CDH8: variants seen among roughly 807,000 people sequenced by gnomAD.
CDH8 encodes cadherin-8.
CDH8 carries 17 observed loss-of-function variants against 68.1 expected under a neutral mutation model. That is an observed-to-expected ratio of 0.25 (90% CI 0.17 to 0.37). The LOEUF (loss-of-function observed/expected upper bound fraction) is 0.37, where lower values mean the gene tolerates loss of function less well. CDH8 is among the 10% of genes least tolerant of loss of function. The pLI is 1.00. For synonymous variants in CDH8, 372 were observed against 365.1 expected (o/e 1.02, Z -0.21); for missense variants, 763 against 999.3 (o/e 0.76, Z 3.19).
At chr16:61,879,770 G>T (rs1963534221) in intron 3 of CDH8, among the ~76,000 whole-genome samples, 2 of 152,020 alleles carry the variant, frequency 1.3e-5, no homozygotes. Flanking sequence ...CCTGTGATAG[G>T]CCCCGAAAAA....
chr16:61,987,189 G>T (rs1965644035), intron 2 of CDH8, among the ~76,000 whole-genome samples: 1 of 152,040 alleles, frequency 6.6e-6, no homozygotes, highest in African/African-American at 2.4e-5. Context: ...ATACAATTTG[G>T]AGTCTTCACT....
chr16:61,840,755 T>C (rs1962666798), intron 4 of CDH8, among the ~76,000 whole-genome samples: 1 of 151,762 alleles, frequency 6.6e-6, no homozygotes, highest in Admixed American at 6.6e-5. Flanking sequence ...AAACAACACA[T>C]ATTGGGGTCT....
intron 8 of CDH8, among the ~76,000 whole-genome samples, chr16:61,738,566 T>C (rs1376983656): frequency 6.6e-6 from 1 of 152,186 alleles, no homozygotes; most frequent in Non-Finnish European, 1.5e-5. Flanking sequence ...TCTTAGATCC[T>C]TTCTTTATAT....
chr16:61,925,100 C>A (rs1325665793), intron 2 of CDH8, among the ~76,000 whole-genome samples: 2 of 152,090 alleles, frequency 1.3e-5, no homozygotes, highest in Non-Finnish European at 2.9e-5. Context: ...CATTGAGGTA[C>A]ACACATAATT....
chr16:62,029,099 C>A lies in CDH8; in HGVS notation c.-200+6981G>T, dbSNP rs371169047. Among the ~76,000 whole-genome samples the A allele has an allele frequency of 4.6e-5, 7 of 152,144 alleles. No homozygotes were observed. In the East Asian group the frequency reaches 7.7e-4, roughly 17 times the overall value. ...GTTCATGAAATAAGTCACCTGGGCA[C>A]GTTTATCTTATTTGTGGCAGGTGAA... On this transcript the variant is annotated intron_variant, in intron 1 of 11. Coordinates refer to ENST00000577390, the MANE Select transcript of CDH8 (RefSeq NM_001796.5).
chr16:61,825,734 T>C (rs923694805), intron 4 of CDH8, among the ~76,000 whole-genome samples: 1 of 151,938 alleles, frequency 6.6e-6, no homozygotes, highest in Admixed American at 6.6e-5. Flanking sequence ...TCTAATCTAC[T>C]GTTCAGCTAT....
intron 7 of CDH8, among the ~76,000 whole-genome samples, chr16:61,809,502 T>G (rs531989091): frequency 6.6e-6 from 1 of 152,212 alleles, no homozygotes; most frequent in Admixed American, 6.5e-5. Context: ...AAAACCTAGA[T>G]GACAGGTTGA....
At chr16:61,905,018 C>T (rs1027889767) in intron 2 of CDH8, among the ~76,000 whole-genome samples, 21 of 152,222 alleles carry the variant, frequency 1.4e-4, no homozygotes, top group African/African-American at 4.6e-4. Flanking sequence ...GCCTGATGAT[C>T]GGAGGTGGAT....
At position 61,932,039 on chromosome 16, in the gene CDH8, G is replaced by C. The variant is rs201927246; in HGVS notation, c.253-30566C>G. Among the ~76,000 whole-genome samples, 3 of 151,864 alleles carry C rather than the reference G, an allele frequency of 2.0e-5. No individual in the cohort carries two copies. In the South Asian group the frequency reaches 6.3e-4, roughly 32 times the overall value. Reference sequence around the variant, plus strand: ...TGGCTAACACGGTGAAACCCTGTCTGTACTAAAAATACAAAAAATTAGCCG... The same window carrying C: ...TGGCTAACACGGTGAAACCCTGTCTCTACTAAAAATACAAAAAATTAGCCG... On this transcript the variant is annotated intron_variant, in intron 2 of 11. Coordinates refer to ENST00000577390, the MANE Select transcript of CDH8 (RefSeq NM_001796.5).
intron 8 of CDH8, among the ~76,000 whole-genome samples, chr16:61,776,908 G>A (rs1341448562): frequency 6.6e-6 from 1 of 151,942 alleles, no homozygotes. Context: ...CAGGACACAA[G>A]CTTACTTAAG....
intron 10 of CDH8, among the ~76,000 whole-genome samples, chr16:61,680,591 T>C (rs1221390369): frequency 1.3e-5 from 2 of 151,710 alleles, no homozygotes; most frequent in Non-Finnish European, 2.9e-5. Context: ...TTAATACTTA[T>C]AAATCTGCAT....
intron 2 of CDH8, among the ~76,000 whole-genome samples, chr16:61,941,486 G>A (rs1964724111): frequency 6.6e-6 from 1 of 152,014 alleles, no homozygotes; most frequent in Admixed American, 6.5e-5. Flanking sequence ...CTTCACTCTT[G>A]TTGCCCAGGC....
chr16:61,701,029 A>G (rs1964419257), intron 10 of CDH8, among the ~76,000 whole-genome samples: 1 of 152,234 alleles, frequency 6.6e-6, no homozygotes, highest in African/African-American at 2.4e-5. Context: ...TTAATATGAC[A>G]GTTTAAAATA....
chr16:61,812,718 A>C (rs549963654), intron 7 of CDH8, among the ~76,000 whole-genome samples: 1 of 152,336 alleles, frequency 6.6e-6, no homozygotes, highest in Admixed American at 6.5e-5. Context: ...AGTGTCTGTC[A>C]CGAAGTATGG....
intron 4 of CDH8, among the ~76,000 whole-genome samples, chr16:61,856,299 A>G (rs1228769958): frequency 1.3e-5 from 2 of 152,198 alleles, no homozygotes; most frequent in African/African-American, 4.8e-5. Flanking sequence ...TTTTTAAACA[A>G]TAATTGTTCT....
At chr16:61,743,398 C>G (rs1002103872) in intron 8 of CDH8, 1 of 156,682 alleles carries the variant, frequency 6.4e-6, no homozygotes, top group Admixed American at 6.5e-5. Flanking sequence ...GGGACACCCG[C>G]TTAGCCAGCC....
intron 2 of CDH8, among the ~76,000 whole-genome samples, chr16:61,937,615 G>A (rs187360082): frequency 2.8e-4 from 43 of 152,242 alleles, no homozygotes; most frequent in African/African-American, 1.0e-3. Context: ...AACAATCATA[G>A]CAACTCATGT....
At chr16:61,831,654 A>G (rs1170811639) in intron 4 of CDH8, among the ~76,000 whole-genome samples, 1 of 151,792 alleles carries the variant, frequency 6.6e-6, no homozygotes, top group Non-Finnish European at 1.5e-5. Flanking sequence ...TGTATCCGTC[A>G]CGAAGATTTC....
intron 9 of CDH8, chr16:61,725,418 T>G (rs1381259207): frequency 6.6e-6 from 1 of 150,860 alleles, no homozygotes; most frequent in Non-Finnish European, 1.5e-5. Context: ...ATTGACTCCT[T>G]GAACTTATCT....
Sources: allele counts gnomAD v4.1 joint callset (sites outside exome capture counted in the v4.1 genomes callset), GRCh38; gene constraint gnomAD v4.1.1; transcripts MANE v1.5; gene names NCBI Gene and HGNC (gene_info 2026-07-23, HGNC 2026-07-21).